Variants in PBX3 observed in about 807,000 individuals in gnomAD.
The protein encoded by PBX3 is pre-B-cell leukemia transcription factor 3.
PBX3 carries 14 observed loss-of-function variants against 48.5 expected under a neutral mutation model. The observed-to-expected ratio is 0.29, with a 90% CI of 0.19 to 0.45. PBX3 has a LOEUF of 0.45. Among genes scored for constraint, PBX3 ranks in the 20% least tolerant of loss-of-function variants. The pLI is 1.00. For missense variants in PBX3, 386 were observed against 546.7 expected, an observed-to-expected ratio of 0.71 and a Z score of 2.93; for synonymous variants, 210 against 200.3, an observed-to-expected ratio of 1.05 and a Z score of -0.41.
At position 125,966,735 on chromosome 9, in the gene PBX3, T is replaced by A. The variant is rs940719669; in HGVS notation, c.*812T>A. On this transcript the variant is annotated 3_prime_UTR_variant, in exon 9 of 9. Coordinates refer to ENST00000373489, the MANE Select transcript of PBX3 (RefSeq NM_006195.6). Reference sequence around the variant, plus strand: ...TTGTATATAGTGTAGCAAAAGAGTATTTATACATCCCACCAATCAAAACAC... The same window carrying A: ...TTGTATATAGTGTAGCAAAAGAGTAATTATACATCCCACCAATCAAAACAC... 3.3e-5 allele frequency: 5 copies of A among 152,640 alleles called. No individual in the cohort carries two copies. The highest frequency in any genetic ancestry group is 1.2e-4 in the African/African-American group (5 of 41,450). The allele number at this position is 152,640 out of a possible 1,614,324, so 9.5% of individuals were successfully genotyped here.
intron 5 of PBX3, among the ~76,000 whole-genome samples, chr9:125,946,240 A>G (rs868718349): frequency 1.3e-5 from 2 of 152,286 alleles, no homozygotes; most frequent in African/African-American, 4.8e-5. Context: ...GAAATCAAAT[A>G]CAAAATTTTT....
At chr9:125,913,476 G>A (rs977446539) in intron 2 of PBX3, among the ~76,000 whole-genome samples, 2 of 151,938 alleles carry the variant, frequency 1.3e-5, no homozygotes, top group African/African-American at 4.8e-5. Context: ...GTTTATATAC[G>A]TATTTATATA....
At chr9:125,816,000 C>T (rs1466185487) in intron 2 of PBX3, among the ~76,000 whole-genome samples, 1 of 151,942 alleles carries the variant, frequency 6.6e-6, no homozygotes, top group Non-Finnish European at 1.5e-5. Flanking sequence ...CCCTCCGTCT[C>T]TCTCTCTCTC....
At chr9:125,777,700 A>T (rs1020845078) in intron 2 of PBX3, among the ~76,000 whole-genome samples, 14 of 152,176 alleles carry the variant, frequency 9.2e-5, no homozygotes, top group African/African-American at 2.9e-4. Flanking sequence ...ATTCATCAGA[A>T]AAGCCATTTG....
chr9:125,793,366 A>ATATATATATATATATATAT (rs1554855766), intron 2 of PBX3, among the ~76,000 whole-genome samples: 174 of 101,832 alleles, frequency 1.7e-3, no homozygotes, highest in Non-Finnish European at 2.2e-3. Flanking sequence ...GGAAAAAAAA[A>ATATATATATATATATATAT]ATATATATAT....
At chr9:125,952,679 G>T (rs992273131) in intron 5 of PBX3, among the ~76,000 whole-genome samples, 2 of 152,156 alleles carry the variant, frequency 1.3e-5, no homozygotes, top group African/African-American at 4.8e-5. Flanking sequence ...AATGGGATTG[G>T]TCACTCGTAT....
At chr9:125,957,044 T>A (rs1245419454) in intron 5 of PBX3, among the ~76,000 whole-genome samples, 3 of 152,220 alleles carry the variant, frequency 2.0e-5, no homozygotes, top group African/African-American at 7.2e-5. Flanking sequence ...TGAATTTAGG[T>A]GTCGATTGAT....
chr9:125,896,371 A>G (rs1015684454), intron 2 of PBX3, among the ~76,000 whole-genome samples: 1 of 152,034 alleles, frequency 6.6e-6, no homozygotes, highest in Non-Finnish European at 1.5e-5. Context: ...ATTATCCTTC[A>G]GCAGCCCAAT....
chr9:125,878,564 C>G (rs910359959), intron 2 of PBX3, among the ~76,000 whole-genome samples: 14 of 152,134 alleles, frequency 9.2e-5, no homozygotes, highest in African/African-American at 3.4e-4. Flanking sequence ...ATTCATGACC[C>G]AGCTTGATTG....
intron 2 of PBX3, among the ~76,000 whole-genome samples, chr9:125,893,775 G>T (rs541478363): frequency 5.9e-5 from 9 of 152,214 alleles, no homozygotes; most frequent in African/African-American, 2.2e-4. Flanking sequence ...TTGATGTGCA[G>T]CACACCTGTT....
chr9:125,906,625 G>C (rs1841078356), intron 2 of PBX3, among the ~76,000 whole-genome samples: 1 of 151,934 alleles, frequency 6.6e-6, no homozygotes, highest in South Asian at 2.1e-4. Flanking sequence ...AAACTACAAA[G>C]TAAGTATATA....
intron 5 of PBX3, among the ~76,000 whole-genome samples, chr9:125,958,624 A>G (rs967866098): frequency 2.6e-5 from 4 of 152,208 alleles, no homozygotes; most frequent in African/African-American, 9.6e-5. Context: ...ATCTCTGGAG[A>G]TGGAGAGATC....
chr9:125,920,605 ACAG>A (rs1841437248), intron 3 of PBX3, among the ~76,000 whole-genome samples: 1 of 152,234 alleles, frequency 6.6e-6, no homozygotes, highest in African/African-American at 2.4e-5. Context: ...CTCATAATTT[ACAG>A]CTGCTATAAT....
intron 2 of PBX3, among the ~76,000 whole-genome samples, chr9:125,861,901 C>T (rs1839870788): frequency 1.3e-5 from 2 of 152,090 alleles, no homozygotes. Context: ...GTGATTGTTG[C>T]ACAACTCTGT....
At chr9:125,757,280 T>G (rs919063621) in intron 2 of PBX3, among the ~76,000 whole-genome samples, 23 of 151,540 alleles carry the variant, frequency 1.5e-4, no homozygotes, top group African/African-American at 5.1e-4. Flanking sequence ...CATTGTTTTT[T>G]TTTAAAAAAA....
At chr9:125,918,936 G>C (rs1459565620) in intron 3 of PBX3, among the ~76,000 whole-genome samples, 1 of 152,270 alleles carries the variant, frequency 6.6e-6, no homozygotes, top group Middle Eastern at 3.4e-3. Flanking sequence ...GAGCTAAGAA[G>C]GGATAGGATT....
chr9:125,919,724 A>C (rs1034334447), intron 3 of PBX3, among the ~76,000 whole-genome samples: 4 of 152,226 alleles, frequency 2.6e-5, no homozygotes, highest in Non-Finnish European at 4.4e-5. Context: ...AGCTGTAATG[A>C]AAGTGTATCT....
At chr9:125,920,177 C>T (rs570803219) in intron 3 of PBX3, among the ~76,000 whole-genome samples, 8 of 152,268 alleles carry the variant, frequency 5.3e-5, no homozygotes, top group East Asian at 1.9e-4. Context: ...CCAAAACTTG[C>T]GGCAAACTGT....
chr9:125,755,199 A>T (rs1836479966), intron 2 of PBX3, among the ~76,000 whole-genome samples: 1 of 152,088 alleles, frequency 6.6e-6, no homozygotes, highest in African/African-American at 2.4e-5. Flanking sequence ...AAATTTTAAA[A>T]TCCCATAAAA....
Sources: gnomAD v4.1 joint callset for allele counts (sites outside exome capture counted in the v4.1 genomes callset) on GRCh38, gnomAD v4.1.1 for gene constraint, MANE v1.5 for transcripts, NCBI Gene and HGNC (gene_info 2026-07-23, HGNC 2026-07-21) for gene names.